The following SLC25A31 variants were observed in gnomAD, a reference collection of about 807,000 sequenced individuals.
The protein encoded by SLC25A31 is ADP/ATP translocase 4.
Under a neutral mutation model 36.2 loss-of-function variants are expected in SLC25A31, and 40 were observed. The observed-to-expected ratio is 1.10, with a 90% CI of 0.86 to 1.44. SLC25A31 has a LOEUF of 1.44. Among genes scored for constraint, SLC25A31 ranks in the 40% most tolerant of loss-of-function variants. SLC25A31 has a pLI of 0.00. For synonymous variants in SLC25A31, 143 were observed against 149.7 expected (o/e 0.96, Z 0.32); for missense variants, 350 against 397.1 (o/e 0.88, Z 1.01).
Position 127,773,502 on chromosome 4 carries a change from A to AGGG in SLC25A31, c.879_881dup (p.Gly294dup). 11 of 1,613,734 alleles carry AGGG rather than the reference A, an allele frequency of 6.8e-6. No individual in the cohort carries two copies. Among genetic ancestry groups the AGGG allele is most frequent in the Non-Finnish European group, 8.5e-6 (10 of 1,179,890 alleles). The stretch of plus-strand genomic sequence containing the variant: ...CCTTCTCCAATGTTCTTCGCGGTAC[A>AGGG]GGGGGTGCTTTGGTGTTGGTATTAT... On this transcript the variant is annotated inframe_insertion, in exon 6 of 6. Transcript: ENST00000281154.
intron 1 of SLC25A31, among the ~76,000 whole-genome samples, chr4:127,741,362 A>G (rs568395771): frequency 2.0e-5 from 3 of 152,334 alleles, no homozygotes; most frequent in African/African-American, 7.2e-5. Flanking sequence ...AGCTTGTCAC[A>G]TATGGCCTTT....
Position 127,745,048 on chromosome 4 carries a change from A to G in SLC25A31, c.360+249A>G, listed in dbSNP as rs2148756283. On this transcript the variant is annotated intron_variant, in intron 2 of 5. Transcript: ENST00000281154. Reference sequence around the variant, plus strand: ...AGGCAGTATTTTTTGAATAAATATTACACTTAATGTAATTTCATCTTATCA... The same window carrying G: ...AGGCAGTATTTTTTGAATAAATATTGCACTTAATGTAATTTCATCTTATCA... Among the ~76,000 whole-genome samples the G allele has an allele frequency of 2.0e-5, 3 of 152,298 alleles. 1 individual carries two copies. The South Asian group carries it at 6.2e-4, about 32-fold the overall frequency.
At position 127,767,135 on chromosome 4, in the gene SLC25A31, C is replaced by T; in HGVS notation, c.548C>T (p.Ala183Val). The change falls in exon 4 of 6, where the codon GCT (alanine) becomes GTT (valine). Residue 183 changes from alanine to valine, a missense_variant. Coordinates refer to ENST00000281154, the MANE Select transcript of SLC25A31 (RefSeq NM_031291.4). ...IMKIAKSDGI[A>V]GLYQGFGVSV... Reference sequence around the variant, plus strand: ...AAAATAGCAAAATCAGATGGAATTGCTGGTTTATACCAAGGGTTTGGTGTT... The same window carrying T: ...AAAATAGCAAAATCAGATGGAATTGTTGGTTTATACCAAGGGTTTGGTGTT... 6.2e-7 allele frequency: 1 copy of T among 1,613,696 alleles called. No individual in the cohort carries two copies. The highest frequency in any genetic ancestry group is 1.1e-5 in the South Asian group (1 of 91,050).
At chr4:127,764,052 G>C (rs1388604090) in intron 2 of SLC25A31, among the ~76,000 whole-genome samples, 191 bp from the exon 3 acceptor site, 1 of 152,180 alleles carries the variant, frequency 6.6e-6, no homozygotes, top group African/African-American at 2.4e-5. Context: ...CAGACTGCAT[G>C]AAACAAAAGC....
chr4:127,760,423 C>T (rs1451209992), intron 2 of SLC25A31, among the ~76,000 whole-genome samples: 1 of 152,162 alleles, frequency 6.6e-6, no homozygotes, highest in Non-Finnish European at 1.5e-5. Context: ...CTAGTTTGTT[C>T]CAATCTAACT....
chr4:127,731,909 G>A (rs1236988961), intron 1 of SLC25A31, among the ~76,000 whole-genome samples: 1 of 151,950 alleles, frequency 6.6e-6, no homozygotes, highest in African/African-American at 2.4e-5. Flanking sequence ...ATAAAGATGG[G>A]ATCAGTATTA....
chr4:127,770,949 C>CGTT (rs1732346629), intron 5 of SLC25A31, among the ~76,000 whole-genome samples: 1 of 80,812 alleles, frequency 1.2e-5, no homozygotes, highest in Non-Finnish European at 2.3e-5. Flanking sequence ...TCTTCTTCTT[C>CGTT]TTTTTTTTTT....
intron 1 of SLC25A31, 81 bp from the exon 2 acceptor site, chr4:127,744,591 A>T: frequency 8.0e-7 from 1 of 1,250,574 alleles, no homozygotes; most frequent in Middle Eastern, 2.1e-4. Flanking sequence ...TAGATAGTTC[A>T]TATAGCTAAA....
At chr4:127,747,885 A>G (rs1037313143) in intron 2 of SLC25A31, among the ~76,000 whole-genome samples, 3 of 152,206 alleles carry the variant, frequency 2.0e-5, no homozygotes, top group African/African-American at 7.2e-5. Flanking sequence ...AGGTACTCCA[A>G]TTAAAATCAA....
At chr4:127,759,438 C>G (rs945190765) in intron 2 of SLC25A31, among the ~76,000 whole-genome samples, 23 of 152,206 alleles carry the variant, frequency 1.5e-4, no homozygotes, top group African/African-American at 5.1e-4. Flanking sequence ...TCCCCTTTTC[C>G]TATTTCGATG....
At chr4:127,769,019 G>A in intron 5 of SLC25A31, 142 bp downstream of exon 5, 1 of 724,978 alleles carries the variant, frequency 1.4e-6, no homozygotes, top group Non-Finnish European at 2.0e-6. Flanking sequence ...GATGTATTCT[G>A]TCTTATATTC....
chr4:127,760,895 C>T (rs533583950), intron 2 of SLC25A31, among the ~76,000 whole-genome samples: 169 of 152,186 alleles, frequency 1.1e-3, no homozygotes, highest in Non-Finnish European at 2.0e-3. Context: ...AAAAATTAGC[C>T]GAGTGTGGTG....
chr4:127,744,569 A>C (rs1276541642), intron 1 of SLC25A31, 103 bp from the exon 2 acceptor site: 13 of 989,400 alleles, frequency 1.3e-5, no homozygotes, highest in Non-Finnish European at 1.7e-5. Context: ...TCTCATAAGA[A>C]AGAGTATGTT....
intron 1 of SLC25A31, among the ~76,000 whole-genome samples, chr4:127,733,171 C>G (rs962401162): frequency 2.0e-5 from 3 of 152,042 alleles, no homozygotes; most frequent in Admixed American, 2.0e-4. Flanking sequence ...GAAAAAAGAT[C>G]GTACTTTCTT....
chr4:127,768,325 A>G (rs915462744), intron 4 of SLC25A31, among the ~76,000 whole-genome samples: 2 of 151,928 alleles, frequency 1.3e-5, no homozygotes, highest in Non-Finnish European at 2.9e-5. Flanking sequence ...CTCTGTCTCT[A>G]GTTTGTTATC....
At chr4:127,732,923 G>A (rs2148751481) in intron 1 of SLC25A31, among the ~76,000 whole-genome samples, 1 of 152,256 alleles carries the variant, frequency 6.6e-6, no homozygotes. Flanking sequence ...GAAAGGCAAG[G>A]GCCAGGAATG....
At position 127,773,547 on chromosome 4, in the gene SLC25A31, C is replaced by T; in HGVS notation, c.921C>T (p.Phe307=). Residue 307 remains phenylalanine (F), a synonymous_variant, in exon 6 of 6, where the codon TTC becomes TTT. Transcript: ENST00000281154. ...VLVLYDKIKE[F]FHIDIGGR ...TATTATATGATAAAATTAAAGAATTCTTTCATATTGATATTGGTGGTAGGT... is the reference window on the plus strand; with the variant it reads ...TATTATATGATAAAATTAAAGAATTTTTTCATATTGATATTGGTGGTAGGT... 1 of 1,600,832 alleles carries T rather than the reference C, an allele frequency of 6.2e-7. No individual in the cohort carries two copies. The highest frequency in any genetic ancestry group is 8.5e-7 in the Non-Finnish European group (1 of 1,175,700).
At chr4:127,754,990 A>C (rs1732002702) in intron 2 of SLC25A31, among the ~76,000 whole-genome samples, 1 of 152,210 alleles carries the variant, frequency 6.6e-6, no homozygotes, top group Non-Finnish European at 1.5e-5. Context: ...AAGTAAACTC[A>C]CATATCTATG....
Position 127,773,506 on chromosome 4 carries a change from G to T in SLC25A31, c.880G>T (p.Gly294Cys). 1.2e-6 allele frequency: 2 copies of T among 1,613,332 alleles called. No individual in the cohort carries two copies. Residue 294 changes from glycine (G) to cysteine (C), a missense_variant, in exon 6 of 6, where the codon GGT becomes TGT. Coordinates refer to ENST00000281154, the MANE Select transcript of SLC25A31 (RefSeq NM_031291.4). Reference sequence around the variant, plus strand: ...CTCCAATGTTCTTCGCGGTACAGGGGGTGCTTTGGTGTTGGTATTATATGA... The same window carrying T: ...CTCCAATGTTCTTCGCGGTACAGGGTGTGCTTTGGTGTTGGTATTATATGA... ...AFSNVLRGTG[G>C]ALVLVLYDKI... is the part of the protein sequence containing the mutation.
Sources: allele counts gnomAD v4.1 joint callset (sites outside exome capture counted in the v4.1 genomes callset), GRCh38; gene constraint gnomAD v4.1.1; transcripts MANE v1.5; gene names NCBI Gene and HGNC (gene_info 2026-07-23, HGNC 2026-07-21).